Variants in GPC5 observed in about 807,000 individuals in gnomAD.
GPC5 encodes glypican 5.
Under a neutral mutation model 53.9 loss-of-function variants are expected in GPC5, and 47 were observed. The ratio of observed to expected loss-of-function variants is 0.87; its 90% CI spans 0.69 to 1.11. GPC5 has a LOEUF of 1.11. GPC5 is among the 50% of genes most tolerant of loss of function. The probability of loss-of-function intolerance (pLI) is 0.00; values close to 1 mark genes in which losing one functional copy is unlikely to be tolerated. For synonymous variants in GPC5, 286 were observed against 263.3 expected (o/e 1.09, Z -0.84); for missense variants, 748 against 713.1 (o/e 1.05, Z -0.56).
intron 2 of GPC5, among the ~76,000 whole-genome samples, chr13:91,461,603 T>C (rs1416972530): frequency 6.6e-6 from 1 of 152,154 alleles, no homozygotes; most frequent in Non-Finnish European, 1.5e-5. Context: ...TGTAAAGTAC[T>C]TGGTTTGGTG....
intron 6 of GPC5, among the ~76,000 whole-genome samples, chr13:91,981,821 G>T (rs1052775334): frequency 1.3e-5 from 2 of 152,108 alleles, no homozygotes; most frequent in African/African-American, 4.8e-5. Flanking sequence ...AAATATTATG[G>T]ACTGTTTTTT....
intron 1 of GPC5, among the ~76,000 whole-genome samples, chr13:91,445,457 A>G (rs1293862934): frequency 6.6e-6 from 1 of 152,074 alleles, no homozygotes; most frequent in Non-Finnish European, 1.5e-5. Context: ...CAAGCAATTT[A>G]AGCCTTATCA....
intron 4 of GPC5, among the ~76,000 whole-genome samples, chr13:91,745,984 T>C (rs575679248): frequency 4.0e-4 from 61 of 152,336 alleles, no homozygotes; most frequent in African/African-American, 1.4e-3. Flanking sequence ...TTTTGTATTC[T>C]AAAGACTTCT....
chr13:92,408,900 A>G (rs1351410670), intron 7 of GPC5, among the ~76,000 whole-genome samples: 1 of 152,168 alleles, frequency 6.6e-6, no homozygotes, highest in Non-Finnish European at 1.5e-5. Flanking sequence ...TACATGAATG[A>G]AAATAATGGA....
intron 7 of GPC5, among the ~76,000 whole-genome samples, chr13:92,632,836 G>A (rs1167721766): frequency 6.6e-6 from 1 of 152,000 alleles, no homozygotes; most frequent in East Asian, 1.9e-4. Context: ...ATTTTGCATG[G>A]ATGGCAGCAA....
chr13:92,541,707 T>C lies in GPC5; in HGVS notation c.1562-324575T>C, dbSNP rs75272823. ...CATGACCATCCCAGCCTCATGAGTATTTTCTCCTACGCTATTTTCTAACTT... is the reference window on the plus strand; with the variant it reads ...CATGACCATCCCAGCCTCATGAGTACTTTCTCCTACGCTATTTTCTAACTT... On this transcript the variant is annotated intron_variant, in intron 7 of 7. Coordinates refer to ENST00000377067, the MANE Select transcript of GPC5 (RefSeq NM_004466.6). 4.2e-3 allele frequency among the ~76,000 whole-genome samples: 637 copies of C among 152,034 alleles called. 13 individuals are homozygous for C. The South Asian group carries it at 0.054, about 13-fold the overall frequency.
At chr13:92,462,404 T>C (rs1196067467) in intron 7 of GPC5, among the ~76,000 whole-genome samples, 1 of 152,108 alleles carries the variant, frequency 6.6e-6, no homozygotes, top group South Asian at 2.1e-4. Context: ...GTGTGAGATA[T>C]GAAAGAAGCA....
chr13:92,757,991 C>A (rs1874971515), intron 7 of GPC5, among the ~76,000 whole-genome samples: 1 of 151,056 alleles, frequency 6.6e-6, no homozygotes, highest in South Asian at 2.1e-4. Context: ...GGTATATACC[C>A]AAAGGACTAT....
chr13:92,450,050 T>G (rs908994964), intron 7 of GPC5, among the ~76,000 whole-genome samples: 5 of 152,120 alleles, frequency 3.3e-5, no homozygotes, highest in African/African-American at 1.2e-4. Flanking sequence ...AAAAGGAAAG[T>G]AAAACTAAAC....
intron 7 of GPC5, among the ~76,000 whole-genome samples, chr13:92,385,752 C>CGT (rs1235245832): frequency 8.8e-6 from 1 of 114,204 alleles, no homozygotes; most frequent in Non-Finnish European, 1.7e-5. Context: ...TATATATACA[C>CGT]GTGTATATAT....
chr13:92,862,939 C>A (rs9584071), intron 7 of GPC5, among the ~76,000 whole-genome samples: 15,688 of 152,056 alleles, frequency 0.1, 1,468 homozygotes, highest in African/African-American at 0.25. Context: ...CACTCTCCTG[C>A]CTCTGTGTAA....
intron 2 of GPC5, among the ~76,000 whole-genome samples, chr13:91,624,164 T>C (rs1378913999): frequency 6.6e-6 from 1 of 152,102 alleles, no homozygotes; most frequent in Non-Finnish European, 1.5e-5. Flanking sequence ...TTCTACCAAT[T>C]GCTATACTAA....
intron 7 of GPC5, among the ~76,000 whole-genome samples, chr13:92,679,906 C>A (rs1887065237): frequency 7.2e-6 from 1 of 139,012 alleles, no homozygotes; most frequent in Non-Finnish European, 1.5e-5. Context: ...CCACCCCCTT[C>A]TCTTTCAAGA....
intron 5 of GPC5, among the ~76,000 whole-genome samples, chr13:91,831,521 G>T (rs1457317593): frequency 2.0e-5 from 3 of 151,870 alleles, no homozygotes; most frequent in Non-Finnish European, 4.4e-5. Flanking sequence ...TTATATTAGT[G>T]TCTACAGTCT....
chr13:92,770,414 C>CAAA (rs34087505), intron 7 of GPC5, among the ~76,000 whole-genome samples: 65 of 76,600 alleles, frequency 8.5e-4, no homozygotes, highest in Middle Eastern at 0.014. Flanking sequence ...GACCCTGTCT[C>CAAA]AAAAAAAAAA....
chr13:91,443,264 T>C (rs1365063942), intron 1 of GPC5, among the ~76,000 whole-genome samples: 1 of 152,040 alleles, frequency 6.6e-6, no homozygotes, highest in Non-Finnish European at 1.5e-5. Context: ...GCCACAAGGG[T>C]AGGACCTTAA....
At chr13:92,175,166 T>C (rs1302403559) in intron 7 of GPC5, among the ~76,000 whole-genome samples, 1 of 152,220 alleles carries the variant, frequency 6.6e-6, no homozygotes, top group Non-Finnish European at 1.5e-5. Flanking sequence ...CTTTGATTTT[T>C]TCATTAGAAT....
At chr13:91,557,204 G>A (rs970718273) in intron 2 of GPC5, among the ~76,000 whole-genome samples, 3 of 151,898 alleles carry the variant, frequency 2.0e-5, no homozygotes, top group Non-Finnish European at 2.9e-5. Flanking sequence ...CTGCATCCTC[G>A]CCATCATTTC....
chr13:92,234,254 A>G (rs563916272), intron 7 of GPC5, among the ~76,000 whole-genome samples: 3 of 152,284 alleles, frequency 2.0e-5, no homozygotes, highest in Admixed American at 2.0e-4. Flanking sequence ...ACAATGGTTG[A>G]ACTAGTTTAC....
Sources: gnomAD v4.1 joint callset for allele counts (sites outside exome capture counted in the v4.1 genomes callset) on GRCh38, gnomAD v4.1.1 for gene constraint, MANE v1.5 for transcripts, NCBI Gene and HGNC (gene_info 2026-07-23, HGNC 2026-07-21) for gene names.